SIM2: variants seen among roughly 807,000 people sequenced by gnomAD.
SIM2 encodes SIM bHLH transcription factor 2.
A neutral mutation model predicts 64.8 loss-of-function variants in SIM2; 28 were observed. The ratio of observed to expected loss-of-function variants is 0.43; its 90% CI spans 0.32 to 0.59. SIM2 has a LOEUF of 0.59. SIM2 is among the 20% of genes least tolerant of loss of function. SIM2 has a pLI of 0.07. For synonymous variants in SIM2, 408 were observed against 391.1 expected, an observed-to-expected ratio of 1.04 and a Z score of -0.51; for missense variants, 847 against 871.4, an observed-to-expected ratio of 0.97 and a Z score of 0.35.
At chr21:36,728,335 C>T (rs1352573632) in intron 6 of SIM2, among the ~76,000 whole-genome samples, 1 of 152,172 alleles carries the variant, frequency 6.6e-6, no homozygotes, top group Non-Finnish European at 1.5e-5. Context: ...AGTGGTCTCC[C>T]CAGAGGAGAG....
At chr21:36,715,920 C>A (rs1474826568) in intron 3 of SIM2, among the ~76,000 whole-genome samples, 2 of 151,686 alleles carry the variant, frequency 1.3e-5, no homozygotes, top group Admixed American at 6.6e-5. Context: ...TTTTTGTTTA[C>A]ACTAGTAAAC....
intron 1 of SIM2, among the ~76,000 whole-genome samples, chr21:36,708,924 C>A (rs1180424530): frequency 6.6e-6 from 1 of 152,206 alleles, no homozygotes; most frequent in Non-Finnish European, 1.5e-5. Context: ...CTGGCAGGCT[C>A]GCACAGGCGC....
chr21:36,735,297 G>T (rs1022239607), intron 7 of SIM2, among the ~76,000 whole-genome samples: 14 of 152,228 alleles, frequency 9.2e-5, no homozygotes, highest in African/African-American at 3.4e-4. Context: ...GAGCAAGGCT[G>T]ATGTCTTCAC....
intron 3 of SIM2, among the ~76,000 whole-genome samples, chr21:36,718,958 T>TA (rs2088782178): frequency 1.3e-5 from 2 of 152,210 alleles, no homozygotes; most frequent in Admixed American, 6.5e-5. Context: ...GACCTCTGTG[T>TA]AAAAATTGTA....
chr21:36,701,909 C>T (rs1397270860), intron 1 of SIM2, among the ~76,000 whole-genome samples: 1 of 152,166 alleles, frequency 6.6e-6, no homozygotes, highest in Non-Finnish European at 1.5e-5. Flanking sequence ...GCCTTCTGCC[C>T]CCTTTGGAAA....
chr21:36,720,813 C>T (rs1359691864), intron 4 of SIM2, among the ~76,000 whole-genome samples: 1 of 152,224 alleles, frequency 6.6e-6, no homozygotes, highest in Non-Finnish European at 1.5e-5. Context: ...TCCAGGGGCC[C>T]TGGCCTTTTA....
chr21:36,737,974 A>AAAAAAAAAAAC, intron 7 of SIM2, among the ~76,000 whole-genome samples: 1 of 112,148 alleles, frequency 8.9e-6, no homozygotes, highest in Non-Finnish European at 2.2e-5. Context: ...AAAAAAAAAA[A>AAAAAAAAAAAC]AAAAAAAAGC....
chr21:36,743,127 C>T (rs576451847), intron 8 of SIM2, among the ~76,000 whole-genome samples: 4 of 152,228 alleles, frequency 2.6e-5, no homozygotes, highest in African/African-American at 9.6e-5. Flanking sequence ...CACGACCTCC[C>T]CGAGCAATGT....
intron 1 of SIM2, among the ~76,000 whole-genome samples, chr21:36,703,752 TC>T: frequency 6.6e-6 from 1 of 152,322 alleles, no homozygotes; most frequent in Non-Finnish European, 1.5e-5. Context: ...CAGCCAGCCC[TC>T]CCCAAAGTGT....
chr21:36,701,329 C>A, intron 1 of SIM2: 1 of 152,720 alleles, frequency 6.5e-6, no homozygotes, highest in Non-Finnish European at 1.5e-5. Context: ...AAAGCTCGAC[C>A]TTTTGCGTTC....
chr21:36,743,135 T>C (rs1034383884), intron 8 of SIM2, among the ~76,000 whole-genome samples: 5 of 152,158 alleles, frequency 3.3e-5, no homozygotes, highest in African/African-American at 1.2e-4. Context: ...CCCCGAGCAA[T>C]GTGTTTGGGG....
intron 3 of SIM2, among the ~76,000 whole-genome samples, chr21:36,715,562 C>G (rs2088736118): frequency 2.0e-5 from 3 of 152,152 alleles, no homozygotes; most frequent in Non-Finnish European, 2.9e-5. Flanking sequence ...ACATGCTGCT[C>G]TTTTGTGTTC....
At chr21:36,742,769 G>A (rs2123502739) in intron 8 of SIM2, among the ~76,000 whole-genome samples, 1 of 152,326 alleles carries the variant, frequency 6.6e-6, no homozygotes, top group Non-Finnish European at 1.5e-5. Flanking sequence ...TAGAATGACT[G>A]TGTCTTAGAA....
At chr21:36,725,408 C>T (rs574667086) in intron 5 of SIM2, among the ~76,000 whole-genome samples, 2 of 152,210 alleles carry the variant, frequency 1.3e-5, no homozygotes, top group South Asian at 4.2e-4. Flanking sequence ...GATACAGATG[C>T]CAAGTTCAAT....
intron 7 of SIM2, among the ~76,000 whole-genome samples, chr21:36,732,428 C>T (rs912860607): frequency 1.3e-5 from 2 of 152,136 alleles, no homozygotes; most frequent in South Asian, 2.1e-4. Flanking sequence ...GGGAGGGGGA[C>T]GGCAGGCCCG....
At chr21:36,722,000 G>A (rs539630675) in intron 4 of SIM2, among the ~76,000 whole-genome samples, 9 of 152,184 alleles carry the variant, frequency 5.9e-5, no homozygotes, top group Non-Finnish European at 1.0e-4. Flanking sequence ...CCAAGTGCTC[G>A]ATTTTCTCCC....
intron 7 of SIM2, among the ~76,000 whole-genome samples, chr21:36,738,329 A>T (rs1275196059): frequency 6.6e-6 from 1 of 152,170 alleles, no homozygotes; most frequent in Non-Finnish European, 1.5e-5. Flanking sequence ...ACATAGTGAA[A>T]CCCCGTCTCT....
At chr21:36,717,920 T>A (rs2088768121) in intron 3 of SIM2, among the ~76,000 whole-genome samples, 2 of 152,318 alleles carry the variant, frequency 1.3e-5, no homozygotes, top group African/African-American at 2.4e-5. Flanking sequence ...TTAGTTTTAT[T>A]ATTTTTCTTA....
intron 6 of SIM2, among the ~76,000 whole-genome samples, chr21:36,730,302 G>A (rs1396120037): frequency 6.6e-6 from 1 of 152,210 alleles, no homozygotes; most frequent in Non-Finnish European, 1.5e-5. Context: ...GTCCTAAGAA[G>A]GAATGAAGTT....
Sources: gnomAD v4.1 joint callset for allele counts (sites outside exome capture counted in the v4.1 genomes callset) on GRCh38, gnomAD v4.1.1 for gene constraint, MANE v1.5 for transcripts, NCBI Gene and HGNC (gene_info 2026-07-23, HGNC 2026-07-21) for gene names.